Variants in DAAM2 observed in about 807,000 individuals in gnomAD.
DAAM2 encodes the protein disheveled-associated activator of morphogenesis 2.
DAAM2 carries 39 observed loss-of-function variants against 120.7 expected under a neutral mutation model. That is an observed-to-expected ratio of 0.32 (90% confidence interval 0.25 to 0.42). DAAM2 has a LOEUF of 0.42. DAAM2 is among the 10% of genes least tolerant of loss of function. The pLI, the probability that DAAM2 is intolerant of heterozygous loss-of-function variation, is 1.00. For missense variants in DAAM2, 1,283 were observed against 1,401.7 expected, an observed-to-expected ratio of 0.92 and a Z score of 1.35; for synonymous variants, 488 against 524.9, an observed-to-expected ratio of 0.93 and a Z score of 0.96.
Position 39,867,496 on chromosome 6 carries a change from G to C in DAAM2, c.429-14G>C. ...ATATGCAAATATATGTTTGTTAATG[G>C]CTCTGATTTGTAGGTTTGTGACCCG... On this transcript the variant is annotated splice_polypyrimidine_tract_variant and intron_variant, in intron 5 of 24. Coordinates refer to ENST00000274867, the MANE Select transcript of DAAM2 (RefSeq NM_001201427.2). 6.2e-7 allele frequency: 1 copy of C among 1,611,408 alleles called. No individual in the cohort carries two copies. The highest frequency in any genetic ancestry group is 1.1e-5 in the South Asian group (1 of 91,020).
At chr6:39,879,575 G>A (rs550841351) in intron 14 of DAAM2, 98 bp downstream of exon 14, 3 of 1,534,946 alleles carry the variant, frequency 2.0e-6, no homozygotes, top group East Asian at 2.2e-5. Context: ...TCCACTCTGG[G>A]TCCTTTCTTT....
At chr6:39,824,288 G>A (rs1270448360) in intron 1 of DAAM2, among the ~76,000 whole-genome samples, 3 of 152,142 alleles carry the variant, frequency 2.0e-5, no homozygotes, top group Non-Finnish European at 4.4e-5. Context: ...TCCCCCTAGA[G>A]CCCGTGCCCC....
chr6:39,890,002 C>T (rs1765608027), intron 17 of DAAM2, among the ~76,000 whole-genome samples: 1 of 152,046 alleles, frequency 6.6e-6, no homozygotes, highest in South Asian at 2.1e-4. Flanking sequence ...ATGGTGCATG[C>T]CTGTAGTCCC....
chr6:39,836,020 C>T (rs1021059482), intron 1 of DAAM2, among the ~76,000 whole-genome samples: 9 of 152,034 alleles, frequency 5.9e-5, no homozygotes, highest in Non-Finnish European at 1.0e-4. Context: ...TGAGTCTGGA[C>T]AGAGGCATGT....
intron 1 of DAAM2, among the ~76,000 whole-genome samples, chr6:39,826,535 A>G (rs892922413): frequency 2.6e-5 from 4 of 152,144 alleles, no homozygotes; most frequent in African/African-American, 9.7e-5. Context: ...TGTAGCTGAT[A>G]TGCCCAATAG....
At chr6:39,864,559 G>A in intron 4 of DAAM2, 52 bp downstream of exon 4, 1 of 1,475,812 alleles carries the variant, frequency 6.8e-7, no homozygotes, top group Admixed American at 1.9e-5. Flanking sequence ...GGCTACGGCA[G>A]GGAGTGATTC....
intron 1 of DAAM2, among the ~76,000 whole-genome samples, chr6:39,812,191 G>C (rs150032283): frequency 1.3e-5 from 2 of 152,294 alleles, no homozygotes; most frequent in African/African-American, 4.8e-5. Context: ...ACCTTCTGCA[G>C]CTGTTCTCCT....
At chr6:39,868,032 C>T (rs1764502232) in intron 6 of DAAM2, 189 bp downstream of exon 6, 2 of 605,016 alleles carry the variant, frequency 3.3e-6, no homozygotes, top group Non-Finnish European at 5.8e-6. Context: ...AAAACACATG[C>T]AGGGCCTTAA....
intron 23 of DAAM2, 52 bp downstream of exon 23, chr6:39,900,260 G>T: frequency 6.3e-7 from 1 of 1,588,070 alleles, no homozygotes; most frequent in Admixed American, 1.7e-5. Context: ...ATCTAAACAA[G>T]CTCCTTCACC....
chr6:39,867,900 G>A, intron 6 of DAAM2, 57 bp downstream of exon 6: 4 of 1,400,074 alleles, frequency 2.9e-6, no homozygotes, highest in South Asian at 2.6e-5. Flanking sequence ...GATGTCACAT[G>A]TGAGTGAGAG....
chr6:39,889,877 C>A (rs1233422011), intron 17 of DAAM2, among the ~76,000 whole-genome samples: 1 of 152,148 alleles, frequency 6.6e-6, no homozygotes, highest in Non-Finnish European at 1.5e-5. Context: ...CCTGTAATCC[C>A]AGCACTTTGG....
chr6:39,812,064 C>T (rs1291594147), intron 1 of DAAM2, among the ~76,000 whole-genome samples: 1 of 152,138 alleles, frequency 6.6e-6, no homozygotes, highest in Non-Finnish European at 1.5e-5. Context: ...ATAGCCCAAA[C>T]CTGCCAGAAC....
chr6:39,904,581 A>G lies in DAAM2; in HGVS notation c.*2544A>G, dbSNP rs1267241203. 1 of 454,288 alleles carries G rather than the reference A, an allele frequency of 2.2e-6. No homozygotes were observed. The highest frequency in any genetic ancestry group is 2.3e-5 in the Admixed American group (1 of 42,584). The allele number at this position is 454,288 out of a possible 1,614,324, so 28.1% of individuals were successfully genotyped here. ...GCAGCATTTCTCCCCTGTGATGGAA[A>G]TAAAGTGTTTAGGGCAGTGGGAGGA... is the stretch of plus-strand genomic sequence containing the variant. On this transcript the variant is annotated 3_prime_UTR_variant, in exon 25 of 25. Transcript: ENST00000274867.
chr6:39,885,874 G>A (rs59219536), intron 15 of DAAM2: 3,943 of 152,402 alleles, frequency 0.026, 194 homozygotes, highest in East Asian at 0.2. Flanking sequence ...GGAGAACAGA[G>A]GTGCGTGCTG....
chr6:39,838,910 C>T (rs1271222074), intron 1 of DAAM2, among the ~76,000 whole-genome samples: 2 of 152,064 alleles, frequency 1.3e-5, no homozygotes, highest in South Asian at 2.1e-4. Context: ...CCACCCACCT[C>T]GGCCTCCCAA....
Position 39,898,935 on chromosome 6 carries a change from G to A in DAAM2, c.2677G>A (p.Val893Met), listed in dbSNP as rs185163538. The A allele has an allele frequency of 6.2e-7, 1 of 1,610,614 alleles. No individual in the cohort carries two copies. The highest frequency in any genetic ancestry group is 8.5e-7 in the Non-Finnish European group (1 of 1,178,502). Residue 893 changes from valine to methionine, a missense_variant and splice_region_variant, in exon 22 of 25, where the codon GTG becomes ATG. This residue lies in a region of DAAM2 where 748 missense variants were observed against 768.6 expected (regional missense o/e 0.97). Transcript: ENST00000274867. ...CAGGAGGGGCCTGAGAGCGGTGGAG[G>A]TGGTGAGTACCTTGTCAGTGCCTAC... ...NLRRGLRAVE[V>M]ELEYQRRQVR...
intron 14 of DAAM2, 184 bp from the exon 15 acceptor site, chr6:39,883,778 C>A (rs1765244215): frequency 3.4e-6 from 2 of 581,760 alleles, no homozygotes; most frequent in Admixed American, 2.9e-5. Flanking sequence ...CTGGCCTCTA[C>A]CCTGGAGCAG....
intron 1 of DAAM2, among the ~76,000 whole-genome samples, chr6:39,830,690 C>T (rs56267149): frequency 0.012 from 1,752 of 152,252 alleles, 21 homozygotes; most frequent in Middle Eastern, 0.027. Context: ...CCACTCTGCT[C>T]CTGCACTCCC....
intron 1 of DAAM2, among the ~76,000 whole-genome samples, chr6:39,840,018 G>A (rs988552305): frequency 1.3e-5 from 2 of 152,176 alleles, no homozygotes; most frequent in Non-Finnish European, 2.9e-5. Context: ...CTGGAGGCCA[G>A]GAGTTTGATA....
Sources: gnomAD v4.1 joint callset for allele counts (sites outside exome capture counted in the v4.1 genomes callset) on GRCh38, gnomAD v4.1.1 for gene constraint, gnomAD v4.1.1 regional missense constraint, MANE v1.5 for transcripts, NCBI Gene and HGNC (gene_info 2026-07-23, HGNC 2026-07-21) for gene names.